The following OGFOD1 variants were observed in gnomAD, a reference collection of about 807,000 sequenced individuals.
The protein encoded by OGFOD1 is 2-oxoglutarate and iron dependent oxygenase domain containing 1.
A neutral mutation model predicts 67.7 loss-of-function variants in OGFOD1; 54 were observed. The observed-to-expected ratio is 0.80, with a 90% CI of 0.64 to 1.00. The LOEUF (loss-of-function observed/expected upper bound fraction) is 1.00, where lower values mean the gene tolerates loss of function less well. Ranked by LOEUF, OGFOD1 falls within the 50% of genes least tolerant of loss-of-function variation. OGFOD1 has a pLI of 0.00. For synonymous variants in OGFOD1, 221 were observed against 227.0 expected (o/e 0.97, Z 0.24); for missense variants, 606 against 646.7 (o/e 0.94, Z 0.68).
chr16:56,467,344 G>A (rs772527034), intron 7 of OGFOD1, 51 bp downstream of exon 7: 2 of 1,585,140 alleles, frequency 1.3e-6, no homozygotes, highest in Non-Finnish European at 1.7e-6. Flanking sequence ...CATATCATTT[G>A]TTTCTCTGAT....
At chr16:56,475,624 C>T (rs1963435343) in intron 12 of OGFOD1, 59 bp downstream of exon 12, 1 of 1,449,164 alleles carries the variant, frequency 6.9e-7, no homozygotes, top group South Asian at 1.1e-5. Context: ...TTTCATTTTT[C>T]AAAGACCCAA....
intron 3 of OGFOD1, among the ~76,000 whole-genome samples, chr16:56,461,935 A>G (rs1242344573): frequency 6.6e-6 from 1 of 152,072 alleles, no homozygotes; most frequent in African/African-American, 2.4e-5. Flanking sequence ...TCTACTAAAA[A>G]TATAAAAATT....
intron 2 of OGFOD1, among the ~76,000 whole-genome samples, chr16:56,456,636 C>T (rs933149264): frequency 1.6e-4 from 25 of 152,176 alleles, no homozygotes; most frequent in African/African-American, 4.8e-4. Flanking sequence ...GCAACAGATA[C>T]GATAGTGGTC....
intron 2 of OGFOD1, among the ~76,000 whole-genome samples, chr16:56,454,192 A>G (rs1962433937): frequency 2.0e-5 from 3 of 152,170 alleles, no homozygotes; most frequent in African/African-American, 7.2e-5. Context: ...TACTAAAAAT[A>G]TAAAAATTTT....
chr16:56,474,241 C>T (rs1460086074), intron 10 of OGFOD1, among the ~76,000 whole-genome samples: 1 of 150,466 alleles, frequency 6.6e-6, no homozygotes, highest in Non-Finnish European at 1.5e-5. Flanking sequence ...ATATTCATGT[C>T]GTATTTTTTA....
In OGFOD1 at chr16:56,474,948, A is replaced by G. The variant is rs776295158; in HGVS notation, c.1406A>G (p.Glu469Gly). ...ALDLILYCGC[E>G]GWEPEYGGFT... ...GACTTAATTCTGTACTGTGGCTGTG[A>G]AGGTAAGAGGGAGGAAAGCAAGCGG... Residue 469 changes from glutamate (E) to glycine (G), a missense_variant and splice_region_variant, in exon 11 of 13, where the codon GAA (glutamate) becomes GGA (glycine). Coordinates refer to ENST00000566157, the MANE Select transcript of OGFOD1 (RefSeq NM_018233.4). 3.1e-6 allele frequency: 5 copies of G among 1,613,542 alleles called. No homozygotes were observed. Among genetic ancestry groups the G allele is most frequent in the African/African-American group, 1.3e-5 (1 of 75,016 alleles).
In OGFOD1 at chr16:56,478,939, G is replaced by GTGAT. The variant is rs1421275596; in HGVS notation, c.*2735_*2738dup. On this transcript the variant is annotated 3_prime_UTR_variant, in exon 13 of 13. Transcript: ENST00000566157. ...TTTCTGCACTGAAGATAGATACACAGTGATAGTGAAGTTTGTTTTCCTTAT... is the reference window on the plus strand; with the variant it reads ...TTTCTGCACTGAAGATAGATACACAGTGATTGATAGTGAAGTTTGTTTTCCTTAT... The GTGAT allele has an allele frequency of 6.6e-6, 1 of 152,214 alleles. No individual in the cohort carries two copies. Among genetic ancestry groups the GTGAT allele is most frequent in the African/African-American group, 2.4e-5 (1 of 41,450 alleles). 9.4% of individuals were successfully genotyped at this position (152,214 alleles called of 1,614,324 possible).
At chr16:56,471,258 A>C (rs1280787040) in intron 10 of OGFOD1, among the ~76,000 whole-genome samples, 1 of 151,658 alleles carries the variant, frequency 6.6e-6, no homozygotes, top group Non-Finnish European at 1.5e-5. Context: ...GCTACTCAGG[A>C]GGCTGAGGTG....
Position 56,470,707 on chromosome 16 carries a change from A to G in OGFOD1, c.1201A>G (p.Asn401Asp), listed in dbSNP as rs751256753. The change falls in exon 10 of 13, where the codon AAT (asparagine) becomes GAT (aspartate). Residue 401 changes from asparagine to aspartate, a missense_variant. By Grantham distance (23) the Asn-to-Asp change is conservative. Coordinates refer to ENST00000566157, the MANE Select transcript of OGFOD1 (RefSeq NM_018233.4). ...GTSHSPPEPE[N>D]NQMAISNNSQ... ...TAGCCATAGTCCTCCTGAGCCAGAG[A>G]ATAATCAGATGGCCATCAGCAACAA... 1.2e-6 allele frequency: 2 copies of G among 1,614,050 alleles called. No homozygotes were observed. Among genetic ancestry groups the G allele is most frequent in the African/African-American group, 1.3e-5 (1 of 74,948 alleles).
In OGFOD1 at chr16:56,477,217, A is replaced by C. The variant is rs1441741042; in HGVS notation, c.*1012A>C. 6.6e-6 allele frequency: 1 copy of C among 152,200 alleles called. No individual in the cohort carries two copies. The highest frequency in any genetic ancestry group is 1.5e-5 in the Non-Finnish European group (1 of 68,036). The allele number at this position is 152,200 out of a possible 1,614,324, so 9.4% of individuals were successfully genotyped here. The stretch of plus-strand genomic sequence containing the variant: ...GGTTTAGAAAATTATGGAGCCTTAC[A>C]TCCTGATCATGCTGGGCCTTAGAAT... On this transcript the variant is annotated 3_prime_UTR_variant, in exon 13 of 13. Transcript: ENST00000566157.
intron 4 of OGFOD1, among the ~76,000 whole-genome samples, chr16:56,463,770 G>A (rs1962808116): frequency 6.6e-6 from 1 of 151,576 alleles, no homozygotes; most frequent in East Asian, 1.9e-4. Context: ...CAGAAAAGTG[G>A]CAAGCATAGT....
In OGFOD1 at chr16:56,470,084, T is replaced by G. The variant is rs760832602; in HGVS notation, c.980+2T>G. On this transcript the variant is annotated splice_donor_variant, in intron 9 of 12. Coordinates refer to ENST00000566157, the MANE Select transcript of OGFOD1 (RefSeq NM_018233.4). LOFTEE classifies it high-confidence loss of function. Reference sequence around the variant, plus strand: ...CAGCCGAGGTCCCCCTAACAAAAGGTAGAACCCGTCATCTGAGATATTTGC... The same window carrying G: ...CAGCCGAGGTCCCCCTAACAAAAGGGAGAACCCGTCATCTGAGATATTTGC... 22 of 1,613,184 alleles carry G rather than the reference T, an allele frequency of 1.4e-5. No homozygotes were observed. The highest frequency in any genetic ancestry group is 1.9e-5 in the Non-Finnish European group (22 of 1,179,214).
intron 1 of OGFOD1, 101 bp downstream of exon 1, chr16:56,451,867 G>T: frequency 1.5e-6 from 2 of 1,373,364 alleles, no homozygotes; most frequent in Non-Finnish European, 9.8e-7. Context: ...GGGCCGCAAG[G>T]GAAGAGGCTC....
chr16:56,465,951 CTTTAT>C (rs1486089177), intron 4 of OGFOD1, 196 bp from the exon 5 acceptor site: 1 of 492,078 alleles, frequency 2.0e-6, no homozygotes, highest in African/African-American at 1.9e-5. Context: ...ATTATGTGCT[CTTTAT>C]TTTTAGAGTT....
intron 2 of OGFOD1, among the ~76,000 whole-genome samples, chr16:56,455,775 A>G (rs1486529423): frequency 6.6e-6 from 1 of 152,182 alleles, no homozygotes; most frequent in African/African-American, 2.4e-5. Context: ...TAAATCCTCA[A>G]AACAATCCCA....
intron 10 of OGFOD1, among the ~76,000 whole-genome samples, chr16:56,472,736 CAT>C (rs1963255300): frequency 6.6e-6 from 1 of 152,130 alleles, no homozygotes; most frequent in Non-Finnish European, 1.5e-5. Flanking sequence ...CATGTATACA[CAT>C]ATGGGGGGTA....
chr16:56,469,913 T>C (rs1963079782), intron 8 of OGFOD1, 90 bp from the exon 9 acceptor site: 1 of 954,654 alleles, frequency 1.0e-6, no homozygotes, highest in East Asian at 2.5e-5. Flanking sequence ...ATCAGCCAGA[T>C]TGATGTTTGG....
intron 2 of OGFOD1, 74 bp from the exon 3 acceptor site, chr16:56,458,470 ACACT>A (rs1311303702): frequency 3.1e-6 from 4 of 1,281,994 alleles, no homozygotes; most frequent in Non-Finnish European, 4.6e-6. Context: ...TAGGACCAGA[ACACT>A]CACTAAACTG....
At chr16:56,457,905 C>T (rs1409097672) in intron 2 of OGFOD1, among the ~76,000 whole-genome samples, 1 of 152,188 alleles carries the variant, frequency 6.6e-6, no homozygotes, top group Non-Finnish European at 1.5e-5. Flanking sequence ...GTCTCGAACT[C>T]CTGACCTCAT....
Sources: allele counts gnomAD v4.1 joint callset (sites outside exome capture counted in the v4.1 genomes callset), GRCh38; gene constraint gnomAD v4.1.1; transcripts MANE v1.5; gene names NCBI Gene and HGNC (gene_info 2026-07-23, HGNC 2026-07-21).